The following ORC3 variants were observed in gnomAD, a reference collection of about 807,000 sequenced individuals.
ORC3 encodes the protein homolog of latheo, Drosophila.
A neutral mutation model predicts 100.7 loss-of-function variants in ORC3; 78 were observed. The ratio of observed to expected loss-of-function variants is 0.77; its 90% CI spans 0.65 to 0.94. ORC3 has a LOEUF of 0.94. Among genes scored for constraint, ORC3 ranks in the 40% least tolerant of loss-of-function variants. The probability of loss-of-function intolerance (pLI) is 0.00; values close to 1 mark genes in which losing one functional copy is unlikely to be tolerated. For missense variants in ORC3, 789 were observed against 823.9 expected (o/e 0.96, Z 0.52); for synonymous variants, 295 against 289.3 (o/e 1.02, Z -0.20).
At position 87,629,540 on chromosome 6, in the gene ORC3, A is replaced by G. The variant is rs557762943; in HGVS notation, c.1186-5305A>G. ...GCTCAATAACAATAGGGGGTCTGTC[A>G]TATAAGTAAACAGTGATATATGATT... On this transcript the variant is annotated intron_variant, in intron 11 of 19. Transcript: ENST00000392844. 3.3e-5 allele frequency among the ~76,000 whole-genome samples: 5 copies of G among 152,290 alleles called. No individual in the cohort carries two copies. The East Asian group carries it at 7.7e-4, about 24-fold the overall frequency.
At chr6:87,653,352 A>G in intron 14 of ORC3, 103 bp downstream of exon 14, 1 of 1,073,054 alleles carries the variant, frequency 9.3e-7, no homozygotes, top group South Asian at 1.8e-5. Context: ...TAAAGAGATA[A>G]AGTAGTTCAT....
At chr6:87,602,287 T>C (rs1777963378) in intron 3 of ORC3, among the ~76,000 whole-genome samples, 2 of 152,178 alleles carry the variant, frequency 1.3e-5, no homozygotes, top group Non-Finnish European at 2.9e-5. Flanking sequence ...ATGTTTATGA[T>C]AGCTGTTAAG....
chr6:87,619,628 A>G (rs751969651), intron 9 of ORC3, among the ~76,000 whole-genome samples: 17 of 152,130 alleles, frequency 1.1e-4, no homozygotes, highest in Non-Finnish European at 2.1e-4. Context: ...CTGGTCTCGA[A>G]CTTCTGACCT....
intron 11 of ORC3, among the ~76,000 whole-genome samples, chr6:87,629,435 T>A (rs1178980844): frequency 6.6e-6 from 1 of 152,220 alleles, no homozygotes; most frequent in Non-Finnish European, 1.5e-5. Context: ...GCATGGCAAA[T>A]GTAATTCTGC....
At chr6:87,596,917 G>A (rs963705606) in intron 2 of ORC3, among the ~76,000 whole-genome samples, 6 of 152,074 alleles carry the variant, frequency 3.9e-5, no homozygotes, top group African/African-American at 1.4e-4. Context: ...AGTACCCTAC[G>A]ACCAGTTATC....
intron 13 of ORC3, among the ~76,000 whole-genome samples, chr6:87,647,224 A>G (rs933265483): frequency 2.0e-5 from 3 of 152,190 alleles, no homozygotes; most frequent in Non-Finnish European, 4.4e-5. Flanking sequence ...AAAGCCGTAT[A>G]CAGTGACACT....
At chr6:87,651,166 A>G in intron 13 of ORC3, 1 of 456,212 alleles carries the variant, frequency 2.2e-6, no homozygotes, top group Non-Finnish European at 4.4e-6. Flanking sequence ...GGTCTCCTGG[A>G]TAATAGGCTA....
chr6:87,624,507 G>T (rs756484796), intron 11 of ORC3, among the ~76,000 whole-genome samples: 1 of 151,970 alleles, frequency 6.6e-6, no homozygotes, highest in Non-Finnish European at 1.5e-5. Flanking sequence ...ACAAAAGAAT[G>T]TGTCTTGATT....
At chr6:87,646,820 G>GTC (rs1231752071) in intron 13 of ORC3, among the ~76,000 whole-genome samples, 1 of 152,182 alleles carries the variant, frequency 6.6e-6, no homozygotes, top group Non-Finnish European at 1.5e-5. Flanking sequence ...AGGCTGTTAT[G>GTC]TCCATTTATG....
chr6:87,663,243 G>C, intron 17 of ORC3, 99 bp downstream of exon 17: 1 of 931,506 alleles, frequency 1.1e-6, no homozygotes, highest in East Asian at 2.6e-5. Context: ...AATGAGCAGA[G>C]AGTCGGCAAT....
chr6:87,659,107 A>G (rs1295049742), intron 16 of ORC3, among the ~76,000 whole-genome samples: 5 of 122,064 alleles, frequency 4.1e-5, no homozygotes, highest in Non-Finnish European at 6.3e-5. Flanking sequence ...TCTGTCGCCC[A>G]GGCTGGAGTG....
At chr6:87,657,498 A>T (rs150432655) in intron 15 of ORC3, among the ~76,000 whole-genome samples, 303 of 152,344 alleles carry the variant, frequency 2.0e-3, no homozygotes, top group Non-Finnish European at 3.3e-3. Flanking sequence ...GTACTGTGAT[A>T]CCAAATTATG....
intron 2 of ORC3, among the ~76,000 whole-genome samples, chr6:87,599,399 G>T (rs772101347): frequency 3.5e-4 from 51 of 144,696 alleles, no homozygotes; most frequent in Non-Finnish European, 7.1e-4. Context: ...GCAAGGTTTT[G>T]CTCTGTCGCC....
Position 87,653,221 on chromosome 6 carries a change from G to A in ORC3, c.1488G>A (p.Glu496=), listed in dbSNP as rs1223862087. ...GCAGCACAGCTAAGAGAATAGAGGAGTTCCTGGCCCAGTTTCAGAGCCTCG... is the reference window on the plus strand; with the variant it reads ...GCAGCACAGCTAAGAGAATAGAGGAATTCCTGGCCCAGTTTCAGAGCCTCG... The part of the protein sequence containing the change: ...HLGSTAKRIE[E]FLAQFQSLDE... Residue 496 remains glutamate, a synonymous_variant, in exon 14 of 20, where the codon GAG becomes GAA. Transcript: ENST00000392844. 1.2e-6 allele frequency: 2 copies of A among 1,613,626 alleles called. No individual in the cohort carries two copies. Among genetic ancestry groups the A allele is most frequent in the Non-Finnish European group, 1.7e-6 (2 of 1,179,760 alleles).
intron 3 of ORC3, among the ~76,000 whole-genome samples, chr6:87,602,953 T>A (rs1304760081): frequency 1.0e-5 from 1 of 97,924 alleles, no homozygotes; most frequent in Non-Finnish European, 2.0e-5. Flanking sequence ...TACACATATA[T>A]AATATATATA....
At chr6:87,648,572 G>C (rs1768990106) in intron 13 of ORC3, among the ~76,000 whole-genome samples, 1 of 152,106 alleles carries the variant, frequency 6.6e-6, no homozygotes, top group African/African-American at 2.4e-5. Flanking sequence ...TCAAACCCCA[G>C]CTTTGCCAAT....
At chr6:87,650,423 A>C (rs1769169969) in intron 13 of ORC3, among the ~76,000 whole-genome samples, 1 of 152,138 alleles carries the variant, frequency 6.6e-6, no homozygotes, top group Non-Finnish European at 1.5e-5. Flanking sequence ...TGAAATGATT[A>C]ATTTCATCCT....
At chr6:87,675,367 A>G in the ORC3 span, 2 of 556,634 alleles carry the variant, frequency 3.6e-6, no homozygotes. Flanking sequence ...ATACAGCAAA[A>G]TGAGGCCACT....
intron 2 of ORC3, chr6:87,595,200 T>A (rs1777343749): frequency 2.0e-5 from 3 of 152,228 alleles, no homozygotes; most frequent in African/African-American, 7.2e-5. Context: ...CACAAAGTTA[T>A]GGAATCACCT....
Sources: gnomAD v4.1 joint callset for allele counts (sites outside exome capture counted in the v4.1 genomes callset) on GRCh38, gnomAD v4.1.1 for gene constraint, MANE v1.5 for transcripts, NCBI Gene and HGNC (gene_info 2026-07-23, HGNC 2026-07-21) for gene names.